CTNNA2: variants seen among roughly 807,000 people sequenced by gnomAD.
CTNNA2 encodes the protein catenin alpha 2.
Under a neutral mutation model 101.0 loss-of-function variants are expected in CTNNA2, and 42 were observed. The ratio of observed to expected loss-of-function variants is 0.42; its 90% CI spans 0.32 to 0.54. The LOEUF (loss-of-function observed/expected upper bound fraction) is 0.54. Among genes scored for constraint, CTNNA2 ranks in the 20% least tolerant of loss-of-function variants. The probability of loss-of-function intolerance (pLI) is 0.14; values close to 1 mark genes in which losing one functional copy is unlikely to be tolerated. For synonymous variants in CTNNA2, 450 were observed against 456.4 expected, an observed-to-expected ratio of 0.99 and a Z score of 0.18; for missense variants, 871 against 1,223.1, an observed-to-expected ratio of 0.71 and a Z score of 4.29.
chr2:80,357,190 T>TA (rs112478379), intron 7 of CTNNA2, among the ~76,000 whole-genome samples: 16,784 of 152,102 alleles, frequency 0.11, 2,519 homozygotes, highest in African/African-American at 0.34. Context: ...CCTGAAGGCT[T>TA]ACCTTTTAGT....
intron 9 of CTNNA2, among the ~76,000 whole-genome samples, chr2:80,482,358 G>A (rs1686218625): frequency 2.0e-5 from 3 of 152,104 alleles, no homozygotes; most frequent in Admixed American, 1.3e-4. Flanking sequence ...TCCTGGTACT[G>A]GTAGGTGGTG....
At chr2:80,357,333 A>G (rs1308639757) in intron 7 of CTNNA2, among the ~76,000 whole-genome samples, 1 of 151,880 alleles carries the variant, frequency 6.6e-6, no homozygotes, top group African/African-American at 2.4e-5. Context: ...AGGAAAGGAA[A>G]GAAAGAAGGT....
intron 2 of CTNNA2, among the ~76,000 whole-genome samples, chr2:79,710,065 C>G (rs1196655653): frequency 1.3e-5 from 2 of 152,128 alleles, no homozygotes; most frequent in African/African-American, 4.8e-5. Context: ...ACTTGTCCCT[C>G]TTGAATTCTG....
chr2:80,160,635 C>T (rs1041481843), intron 7 of CTNNA2, among the ~76,000 whole-genome samples: 2 of 152,112 alleles, frequency 1.3e-5, no homozygotes, highest in Non-Finnish European at 2.9e-5. Context: ...TATATTGTAT[C>T]TTGCAACCTT....
intron 7 of CTNNA2, among the ~76,000 whole-genome samples, chr2:80,008,701 C>G (rs1173926935): frequency 6.6e-6 from 1 of 152,148 alleles, no homozygotes; most frequent in Non-Finnish European, 1.5e-5. Context: ...GAGCACGTCA[C>G]TTATGTTCTT....
chr2:80,537,366 A>G (rs2149608520), intron 9 of CTNNA2, among the ~76,000 whole-genome samples: 1 of 152,294 alleles, frequency 6.6e-6, no homozygotes, highest in South Asian at 2.1e-4. Context: ...GCTATTGTAA[A>G]TAGTGCTGCA....
In CTNNA2 at chr2:80,507,745, G is replaced by A. The variant is rs528053497; in HGVS notation, c.1291-37237G>A. ...TAAATTGCAATAGAAAATGCTCAAT[G>A]TATAATATTACCATGCTCAATCTAT... On this transcript the variant is annotated intron_variant, in intron 9 of 18. Transcript: ENST00000402739. Among the ~76,000 whole-genome samples, 4 of 152,264 alleles carry A rather than the reference G, an allele frequency of 2.6e-5. No homozygotes were observed. In the East Asian group the frequency reaches 7.8e-4, roughly 30 times the overall value.
At chr2:79,521,704 G>A (rs969044356) in intron 1 of CTNNA2, among the ~76,000 whole-genome samples, 1 of 152,114 alleles carries the variant, frequency 6.6e-6, no homozygotes, top group Admixed American at 6.6e-5. Flanking sequence ...TGATATAGAG[G>A]CCTGCCTTGT....
At chr2:79,852,487 C>T (rs1680796115) in intron 3 of CTNNA2, among the ~76,000 whole-genome samples, 1 of 152,184 alleles carries the variant, frequency 6.6e-6, no homozygotes, top group Non-Finnish European at 1.5e-5. Context: ...CATTTTCATT[C>T]TCACACTAGT....
At chr2:80,247,729 G>A (rs74825135) in intron 7 of CTNNA2, among the ~76,000 whole-genome samples, 2,027 of 152,122 alleles carry the variant, frequency 0.013, 53 homozygotes, top group African/African-American at 0.045. Flanking sequence ...GATCCCTTCT[G>A]AATGAATTTT....
intron 2 of CTNNA2, among the ~76,000 whole-genome samples, chr2:79,723,872 G>A (rs1388668678): frequency 6.6e-6 from 1 of 152,190 alleles, no homozygotes; most frequent in Non-Finnish European, 1.5e-5. Context: ...AGGCCTGAAG[G>A]CCAGTTGCAT....
intron 7 of CTNNA2, among the ~76,000 whole-genome samples, chr2:80,252,891 G>T (rs892948464): frequency 6.6e-6 from 1 of 152,080 alleles, no homozygotes; most frequent in Non-Finnish European, 1.5e-5. Flanking sequence ...TTTGCAAAGA[G>T]CATTGATTTT....
At chr2:79,801,779 G>A (rs1676176384) in intron 3 of CTNNA2, among the ~76,000 whole-genome samples, 1 of 152,022 alleles carries the variant, frequency 6.6e-6, no homozygotes, top group South Asian at 2.1e-4. Flanking sequence ...ATCACCTGAG[G>A]TCAGGAGTTC....
intron 11 of CTNNA2, among the ~76,000 whole-genome samples, chr2:80,552,408 A>G (rs1692646171): frequency 6.6e-6 from 1 of 152,180 alleles, no homozygotes; most frequent in African/African-American, 2.4e-5. Flanking sequence ...TAAAGTACAA[A>G]TCTATTTGAA....
At chr2:80,409,155 G>C (rs1361109109) in intron 8 of CTNNA2, among the ~76,000 whole-genome samples, 1 of 152,090 alleles carries the variant, frequency 6.6e-6, no homozygotes, top group Non-Finnish European at 1.5e-5. Flanking sequence ...TGCTAGAAAT[G>C]TCTTTTCCAC....
At chr2:80,594,591 A>G (rs999635715) in intron 15 of CTNNA2, among the ~76,000 whole-genome samples, 1 of 151,856 alleles carries the variant, frequency 6.6e-6, no homozygotes, top group African/African-American at 2.4e-5. Flanking sequence ...ATCCAATGTC[A>G]TGAAGTTTTC....
chr2:79,997,131 A>G (rs1692605181), intron 7 of CTNNA2, among the ~76,000 whole-genome samples: 1 of 151,612 alleles, frequency 6.6e-6, no homozygotes, highest in Non-Finnish European at 1.5e-5. Context: ...AGGCACCAAA[A>G]CCCCCTTTTG....
At chr2:79,888,633 G>A (rs1422036765) in intron 6 of CTNNA2, among the ~76,000 whole-genome samples, 2 of 151,760 alleles carry the variant, frequency 1.3e-5, no homozygotes, top group African/African-American at 2.4e-5. Context: ...TTGATTTTTT[G>A]GCCCCCTATC....
chr2:80,482,680 T>G (rs1686241592), intron 9 of CTNNA2, among the ~76,000 whole-genome samples: 1 of 152,216 alleles, frequency 6.6e-6, no homozygotes, highest in Non-Finnish European at 1.5e-5. Flanking sequence ...TATTATTTTT[T>G]GATTCCACAG....
Sources: gnomAD v4.1 joint callset for allele counts (sites outside exome capture counted in the v4.1 genomes callset) on GRCh38, gnomAD v4.1.1 for gene constraint, MANE v1.5 for transcripts, NCBI Gene and HGNC (gene_info 2026-07-23, HGNC 2026-07-21) for gene names.